RORA: variants seen among roughly 807,000 people sequenced by gnomAD.
The protein encoded by RORA is RAR related orphan receptor A, also known as nuclear receptor ROR-alpha.
Under a neutral mutation model 69.5 loss-of-function variants are expected in RORA, and 7 were observed. The observed-to-expected ratio is 0.10, with a 90% CI of 0.06 to 0.19. RORA has a LOEUF of 0.19. Among genes scored for constraint, RORA ranks in the 10% least tolerant of loss-of-function variants. RORA has a pLI of 1.00. For missense variants in RORA, 457 were observed against 663.0 expected, an observed-to-expected ratio of 0.69 and a Z score of 3.41; for synonymous variants, 261 against 240.8, an observed-to-expected ratio of 1.08 and a Z score of -0.78.
chr15:60,956,582 A>T (rs1451714900), intron 1 of RORA, among the ~76,000 whole-genome samples: 1 of 152,232 alleles, frequency 6.6e-6, no homozygotes, highest in African/African-American at 2.4e-5. Flanking sequence ...GATGATGCAC[A>T]GGTTTCATAA....
At chr15:61,077,570 C>T (rs2078471443) in intron 1 of RORA, among the ~76,000 whole-genome samples, 1 of 152,158 alleles carries the variant, frequency 6.6e-6, no homozygotes, top group Non-Finnish European at 1.5e-5. Context: ...CTACAGGGAA[C>T]AGAAAACAGA....
intron 1 of RORA, among the ~76,000 whole-genome samples, chr15:60,819,828 G>T (rs1318022262): frequency 1.3e-5 from 2 of 150,184 alleles, no homozygotes; most frequent in Non-Finnish European, 2.9e-5. Context: ...CTCATGGCCG[G>T]CCCCTCTGCC....
At chr15:60,789,655 G>T (rs2072387964) in intron 1 of RORA, among the ~76,000 whole-genome samples, 1 of 152,228 alleles carries the variant, frequency 6.6e-6, no homozygotes, top group Non-Finnish European at 1.5e-5. Context: ...TCTTTAAGAA[G>T]AAAGAATTGT....
chr15:60,699,323 A>C (rs533806263), intron 1 of RORA, among the ~76,000 whole-genome samples: 1 of 152,316 alleles, frequency 6.6e-6, no homozygotes, highest in Admixed American at 6.5e-5. Flanking sequence ...AATTCAAATA[A>C]AATTATCTAA....
intron 2 of RORA, among the ~76,000 whole-genome samples, chr15:60,640,938 G>A (rs1375010551): frequency 6.6e-6 from 1 of 152,102 alleles, no homozygotes; most frequent in Non-Finnish European, 1.5e-5. Flanking sequence ...GGAAAAAAGG[G>A]GACTATGCTT....
chr15:60,614,819 G>A (rs937502889), intron 2 of RORA: 9 of 1,106,632 alleles, frequency 8.1e-6, no homozygotes, highest in East Asian at 4.8e-5. Flanking sequence ...TTATACACAC[G>A]CACATGCAGA....
chr15:60,904,994 T>C (rs1295788063), intron 1 of RORA, among the ~76,000 whole-genome samples: 1 of 152,026 alleles, frequency 6.6e-6, no homozygotes, highest in Non-Finnish European at 1.5e-5. Context: ...ACTCAAAAAA[T>C]GTGAGGTTGG....
chr15:61,169,864 G>C (rs1017881643), intron 1 of RORA, among the ~76,000 whole-genome samples: 1 of 152,032 alleles, frequency 6.6e-6, no homozygotes, highest in African/African-American at 2.4e-5. Flanking sequence ...ATGTTCCTTG[G>C]GCAGCATCCC....
intron 1 of RORA, among the ~76,000 whole-genome samples, chr15:61,013,512 A>C (rs1302045690): frequency 6.6e-6 from 1 of 152,192 alleles, no homozygotes; most frequent in African/African-American, 2.4e-5. Context: ...ATTGCCTTTT[A>C]GATGTCTACA....
rs202005392 is a variant in RORA, at chr15:61,138,827, T to TA, written c.166+90225dup. On this transcript the variant is annotated intron_variant, in intron 1 of 10. Transcript: ENST00000335670. ...GCCATGACAGGGACACTGCATAAAA[T>TA]AAAATAAAAAAATAAATTAAATTTA... is the stretch of plus-strand genomic sequence containing the variant. Among the ~76,000 whole-genome samples, 1,017 of 151,584 alleles carry TA rather than the reference T, an allele frequency of 6.7e-3. 11 individuals carry two copies. The highest frequency in any genetic ancestry group is 0.023 in the African/African-American group (951 of 41,184).
At chr15:60,671,922 T>G (rs540061280) in intron 2 of RORA, among the ~76,000 whole-genome samples, 1 of 151,654 alleles carries the variant, frequency 6.6e-6, no homozygotes, top group Non-Finnish European at 1.5e-5. Flanking sequence ...AGCAAGACCC[T>G]GTCTCTACAA....
intron 1 of RORA, among the ~76,000 whole-genome samples, chr15:61,041,564 CTTTA>C (rs1357897707): frequency 2.0e-5 from 3 of 152,086 alleles, no homozygotes; most frequent in South Asian, 2.1e-4. Flanking sequence ...CATTTATTTA[CTTTA>C]TTTATTTTAG....
intron 1 of RORA, among the ~76,000 whole-genome samples, chr15:61,219,832 A>C (rs1432161641): frequency 6.6e-6 from 1 of 152,240 alleles, no homozygotes; most frequent in African/African-American, 2.4e-5. Flanking sequence ...AAGTGGTAGC[A>C]TCATGAGTGA....
chr15:61,051,544 G>T (rs769074636), intron 1 of RORA, among the ~76,000 whole-genome samples: 1 of 152,086 alleles, frequency 6.6e-6, no homozygotes, highest in Non-Finnish European at 1.5e-5. Flanking sequence ...GCTCTGTATT[G>T]GCACCTTCTG....
intron 1 of RORA, among the ~76,000 whole-genome samples, chr15:60,780,321 C>T (rs1372818659): frequency 1.3e-5 from 2 of 152,242 alleles, no homozygotes; most frequent in African/African-American, 4.8e-5. Context: ...TAAAAAAGTT[C>T]CACATGGACT....
At chr15:61,091,515 G>C (rs1485544381) in intron 1 of RORA, among the ~76,000 whole-genome samples, 3 of 152,120 alleles carry the variant, frequency 2.0e-5, no homozygotes, top group Non-Finnish European at 4.4e-5. Context: ...CACTTCCCAG[G>C]GGCAATCCTC....
At chr15:60,508,799 GT>G (rs2065596946) in intron 5 of RORA, among the ~76,000 whole-genome samples, 1 of 152,172 alleles carries the variant, frequency 6.6e-6, no homozygotes, top group Non-Finnish European at 1.5e-5. Context: ...TATATCAGCT[GT>G]TTCTCCTGCG....
In RORA at chr15:61,128,259, T is replaced by C. The variant is rs979348373; in HGVS notation, c.166+100794A>G. On this transcript the variant is annotated intron_variant, in intron 1 of 10. Transcript: ENST00000335670. The surrounding 1 kb of genome is among the most constrained non-coding windows in gnomAD (Gnocchi z 4.5). ...AGTGTGTTTCTGCAAGGGTATACTT[T>C]TAAAGCACTAGAAAAAAACAGCAAA... 1.3e-5 allele frequency among the ~76,000 whole-genome samples: 2 copies of C among 152,018 alleles called. No individual in the cohort carries two copies. The highest frequency in any genetic ancestry group is 2.9e-5 in the Non-Finnish European group (2 of 68,010).
At chr15:60,740,110 C>T (rs75127651) in intron 1 of RORA, among the ~76,000 whole-genome samples, 3,955 of 152,218 alleles carry the variant, frequency 0.026, 186 homozygotes, top group African/African-American at 0.091. Context: ...GATTATCACT[C>T]CCTTTTTTTT....
Sources: allele counts gnomAD v4.1 joint callset (sites outside exome capture counted in the v4.1 genomes callset), GRCh38; gene constraint gnomAD v4.1.1; non-coding constraint Gnocchi (gnomAD v3.1); transcripts MANE v1.5; gene names NCBI Gene and HGNC (gene_info 2026-07-23, HGNC 2026-07-21).